Variants in NOP9 observed in about 807,000 individuals in gnomAD.
NOP9 encodes the protein NOP9 nucleolar protein.
Under a neutral mutation model 63.0 loss-of-function variants are expected in NOP9, and 50 were observed. The ratio of observed to expected loss-of-function variants is 0.79; its 90% CI spans 0.63 to 1.00. The LOEUF (loss-of-function observed/expected upper bound fraction) is 1.00, where lower values mean the gene tolerates loss of function less well. NOP9 is among the 50% of genes least tolerant of loss of function. NOP9 has a pLI of 0.00. For synonymous variants in NOP9, 343 were observed against 332.8 expected (o/e 1.03, Z -0.33); for missense variants, 758 against 803.0 (o/e 0.94, Z 0.68).
Position 24,303,105 on chromosome 14 carries a change from T to C in NOP9, c.1175T>C (p.Val392Ala), listed in dbSNP as rs1298478518. 2.5e-6 allele frequency: 4 copies of C among 1,587,434 alleles called. No homozygotes were observed. Among genetic ancestry groups the C allele is most frequent in the Middle Eastern group, 1.7e-4 (1 of 5,926 alleles). ...CCTGTGTTTGAGGAGCTGAGCCCTG[T>C]CTTGGAAGCTGTATTGGCCCAGGGC... ...LSPVFEELSPVLEAVLAQGHP... is the reference protein window; with the variant it reads ...LSPVFEELSPALEAVLAQGHP... Residue 392 changes from valine to alanine, a missense_variant, in exon 6 of 10, where the codon GTC becomes GCC. Coordinates refer to ENST00000267425, the MANE Select transcript of NOP9 (RefSeq NM_174913.3).
chr14:24,299,429 G>A (rs920974105), upstream of NOP9: 4 of 272,066 alleles, frequency 1.5e-5, no homozygotes, highest in African/African-American at 8.8e-5. Context: ...GCAGCCCCTC[G>A]GGGCGCGTCC....
In NOP9 at chr14:24,301,622, G is replaced by C. The variant is rs1364382572; in HGVS notation, c.708G>C (p.Lys236Asn). ...TTAATCTTCCTTCAGAAGCACAGAA[G>C]ACCCCAGCTCAGGAATGTAAGCCAG... is the stretch of plus-strand genomic sequence containing the variant. ...PRGSQSSEAQ[K>N]TPAQECKPAD... The change falls in exon 3 of 10, where the codon AAG (lysine) becomes AAC (asparagine). Residue 236 changes from lysine (K) to asparagine (N), a missense_variant. Transcript: ENST00000267425. 1.2e-6 allele frequency: 2 copies of C among 1,614,122 alleles called. No homozygotes were observed. Among genetic ancestry groups the C allele is most frequent in the Admixed American group, 3.3e-5 (2 of 60,018 alleles).
the NOP9 span, among the ~76,000 whole-genome samples, chr14:24,275,515 G>A: frequency 2.0e-5 from 3 of 152,286 alleles, no homozygotes; most frequent in Admixed American, 6.5e-5. Context: ...GAACCCTGGC[G>A]TCTTTCCACC....
At chr14:24,300,288 T>G in intron 1 of NOP9, 87 bp downstream of exon 1, 1 of 1,572,120 alleles carries the variant, frequency 6.4e-7, no homozygotes, top group African/African-American at 1.4e-5. Flanking sequence ...GCGTGGGGAC[T>G]TAGTTTCATT....
At chr14:24,297,970 T>C (rs545199454), upstream of NOP9, among the ~76,000 whole-genome samples, 120 of 152,326 alleles carry the variant, frequency 7.9e-4, 1 homozygote, top group African/African-American at 2.8e-3. Flanking sequence ...CTCCCTCTTA[T>C]AATTTACCAT....
In NOP9 at chr14:24,306,198, A is replaced by G. The variant is rs1402518656; in HGVS notation, c.*1103A>G. On this transcript the variant is annotated 3_prime_UTR_variant, in exon 10 of 10. Coordinates refer to ENST00000267425, the MANE Select transcript of NOP9 (RefSeq NM_174913.3). ...TACCAGACACCCACCACTAATCTCC[A>G]TCAGCACTGGGTCAGACCCTCCCTC... 2.0e-6 allele frequency: 3 copies of G among 1,528,996 alleles called. No homozygotes were observed. Among genetic ancestry groups the G allele is most frequent in the African/African-American group, 2.7e-5 (2 of 73,310 alleles). The allele number at this position is 1,528,996 out of a possible 1,614,324, so 94.7% of individuals were successfully genotyped here. A position where few individuals can be genotyped will look rare whatever the true frequency, so the allele number is the denominator to read the frequency against.
the NOP9 span, among the ~76,000 whole-genome samples, chr14:24,276,351 T>G: frequency 5.2e-5 from 7 of 133,766 alleles, no homozygotes; most frequent in Non-Finnish European, 1.1e-4. Flanking sequence ...CACTCTAGCC[T>G]GGGAAACAGA....
At chr14:24,274,186 G>A in the NOP9 span, among the ~76,000 whole-genome samples, 5 of 152,212 alleles carry the variant, frequency 3.3e-5, no homozygotes, top group African/African-American at 4.8e-5. Flanking sequence ...ACTCATAGGC[G>A]CAACCAGATA....
chr14:24,277,006 A>G, the NOP9 span, among the ~76,000 whole-genome samples: 25 of 152,228 alleles, frequency 1.6e-4, no homozygotes, highest in African/African-American at 4.1e-4. Flanking sequence ...ATGATCTGGC[A>G]GAACCTAGAA....
Position 24,304,291 on chromosome 14 carries a change from C to G in NOP9, c.1647+14C>G, listed in dbSNP as rs2041436508. Reference sequence around the variant, plus strand: ...CAGAACCTAAAGGTTAGATTTCTGGCTTTTGCCTTGATTCCCCACCATCAT... The same window carrying G: ...CAGAACCTAAAGGTTAGATTTCTGGGTTTTGCCTTGATTCCCCACCATCAT... On this transcript the variant is annotated intron_variant, in intron 8 of 9. Transcript: ENST00000267425. The G allele has an allele frequency of 6.2e-7, 1 of 1,604,716 alleles. No individual in the cohort carries two copies. The highest frequency in any genetic ancestry group is 1.1e-5 in the South Asian group (1 of 90,924).
At chr14:24,296,761 T>C (rs2041255257), upstream of NOP9, 3 of 1,614,196 alleles carry the variant, frequency 1.9e-6, no homozygotes, top group Non-Finnish European at 2.5e-6. Context: ...TAAGCATTGT[T>C]GACCAGCACA....
the NOP9 span, chr14:24,290,877 G>A: frequency 4.7e-4 from 751 of 1,613,872 alleles, 1 homozygote; most frequent in African/African-American, 9.2e-3. Flanking sequence ...TGCTAGTGTA[G>A]AGGGCAATAA....
At chr14:24,290,725 G>T in the NOP9 span, 1 of 1,171,510 alleles carries the variant, frequency 8.5e-7, no homozygotes, top group Non-Finnish European at 1.2e-6. Context: ...AACTCACCAC[G>T]GACACACAGC....
chr14:24,305,539 G>C lies in NOP9; in HGVS notation c.*444G>C. 8 of 1,494,972 alleles carry C rather than the reference G, an allele frequency of 5.4e-6. No homozygotes were observed. Among genetic ancestry groups the C allele is most frequent in the Non-Finnish European group, 7.2e-6 (8 of 1,106,788 alleles). 92.6% of individuals were successfully genotyped at this position (1,494,972 alleles called of 1,614,324 possible). A position where few individuals can be genotyped will look rare whatever the true frequency, so the allele number is the denominator to read the frequency against. On this transcript the variant is annotated 3_prime_UTR_variant, in exon 10 of 10. Coordinates refer to ENST00000267425, the MANE Select transcript of NOP9 (RefSeq NM_174913.3). Reference sequence around the variant, plus strand: ...GTGGGGAAATTGGGTGGGTTATCTAGCCTGTACTGTCTGCAGGTCCTGAAA... The same window carrying C: ...GTGGGGAAATTGGGTGGGTTATCTACCCTGTACTGTCTGCAGGTCCTGAAA...
At chr14:24,296,569 T>C, upstream of NOP9, 1 of 1,614,178 alleles carries the variant, frequency 6.2e-7, no homozygotes, top group East Asian at 2.2e-5. Context: ...GAATGCCTTA[T>C]TCCTGGTGTT....
chr14:24,291,171 A>G, the NOP9 span: 1 of 1,614,156 alleles, frequency 6.2e-7, no homozygotes, highest in Non-Finnish European at 8.5e-7. Flanking sequence ...GCGTCGAGCA[A>G]GGTCACAGGA....
chr14:24,304,898 T>G, intron 9 of NOP9, 40 bp from the exon 10 acceptor site: 1 of 1,495,498 alleles, frequency 6.7e-7, no homozygotes, highest in Non-Finnish European at 8.9e-7. Flanking sequence ...AGTCTGTCTT[T>G]GAGCATGGTA....
Position 24,307,515 on chromosome 14 carries a change from C to G in NOP9, c.*2420C>G. 1.9e-6 allele frequency: 3 copies of G among 1,612,330 alleles called. No homozygotes were observed. The highest frequency in any genetic ancestry group is 2.5e-6 in the Non-Finnish European group (3 of 1,179,020). The stretch of plus-strand genomic sequence containing the variant: ...ACTCCGAGCTTATATTAGATACTGA[C>G]CTGGTAGTTGAGAAGAAAAGTCAAG... On this transcript the variant is annotated 3_prime_UTR_variant, in exon 10 of 10. Coordinates refer to ENST00000267425, the MANE Select transcript of NOP9 (RefSeq NM_174913.3).
chr14:24,302,481 A>G (rs1171611255), intron 5 of NOP9, 57 bp downstream of exon 5: 4 of 1,504,726 alleles, frequency 2.7e-6, no homozygotes, highest in Non-Finnish European at 3.6e-6. Flanking sequence ...ACTGGACCTT[A>G]TTTTATGGTC....
Sources: gnomAD v4.1 joint callset for allele counts (sites outside exome capture counted in the v4.1 genomes callset) on GRCh38, gnomAD v4.1.1 for gene constraint, MANE v1.5 for transcripts, NCBI Gene and HGNC (gene_info 2026-07-23, HGNC 2026-07-21) for gene names.